Variants in SPICE1 observed in about 807,000 individuals in gnomAD.
SPICE1 encodes spindle and centriole-associated protein 1.
Under a neutral mutation model 102.7 loss-of-function variants are expected in SPICE1, and 75 were observed. That is an observed-to-expected ratio of 0.73 (90% CI 0.61 to 0.88). The LOEUF is 0.88. Ranked by LOEUF, SPICE1 falls within the 40% of genes least tolerant of loss-of-function variation. The pLI, the probability that SPICE1 is intolerant of heterozygous loss-of-function variation, is 0.00. For synonymous variants in SPICE1, 308 were observed against 350.3 expected (o/e 0.88, Z 1.35); for missense variants, 979 against 1,020.1 (o/e 0.96, Z 0.55).
rs1936969594 is a variant in SPICE1 at position 113,499,591 on chromosome 3, A to T, written c.148-9T>A. 6.3e-7 allele frequency: 1 copy of T among 1,586,952 alleles called. No individual in the cohort carries two copies. The highest frequency in any genetic ancestry group is 1.4e-5 in the African/African-American group (1 of 73,700). Reference sequence around the variant, plus strand: ...ATTTCATGACGGCGTACCTATACAGAAGAGAAAAGTACATAAAGGAATGTT... The same window carrying T: ...ATTTCATGACGGCGTACCTATACAGTAGAGAAAAGTACATAAAGGAATGTT... On this transcript the variant is annotated splice_polypyrimidine_tract_variant and intron_variant, in intron 3 of 17. Transcript: ENST00000295872.
intron 4 of SPICE1, among the ~76,000 whole-genome samples, chr3:113,495,044 T>C (rs1415406061): frequency 2.6e-5 from 4 of 152,226 alleles, no homozygotes; most frequent in Non-Finnish European, 5.9e-5. Context: ...ATGTGAGGCC[T>C]CTGTGTTTAA....
intron 13 of SPICE1, among the ~76,000 whole-genome samples, chr3:113,455,368 G>A (rs1232450958): frequency 6.6e-6 from 1 of 152,168 alleles, no homozygotes; most frequent in African/African-American, 2.4e-5. Context: ...TTTATGATGG[G>A]AAATTCTACA....
Position 113,512,531 on chromosome 3 carries a change from C to A in SPICE1, c.-1+2366G>T, listed in dbSNP as rs140034190. 6.0e-3 allele frequency among the ~76,000 whole-genome samples: 911 copies of A among 151,790 alleles called. 7 individuals carry two copies. The highest frequency in any genetic ancestry group is 0.027 in the Middle Eastern group (8 of 292). The stretch of plus-strand genomic sequence containing the variant: ...TCAAGCGATTCTCCTCCCTCAGCCT[C>A]CTGAATAGCTGGGATTACAGGCGCT... On this transcript the variant is annotated intron_variant, in intron 1 of 17. Transcript: ENST00000295872.
chr3:113,476,839 A>C lies in SPICE1; in HGVS notation c.612-7601T>G, dbSNP rs1374876253. Reference sequence around the variant, plus strand: ...CCTAAAACCATAAAAACCCTAGAAGAAAACCTAGGCATTACCATTCAGGAC... The same window carrying C: ...CCTAAAACCATAAAAACCCTAGAAGCAAACCTAGGCATTACCATTCAGGAC... On this transcript the variant is annotated intron_variant, in intron 7 of 17. Transcript: ENST00000295872. Among the ~76,000 whole-genome samples, 3 of 150,522 alleles carry C rather than the reference A, an allele frequency of 2.0e-5. No individual in the cohort carries two copies. The East Asian group carries it at 5.8e-4, about 29-fold the overall frequency.
At chr3:113,479,310 A>C (rs532135625) in intron 7 of SPICE1, among the ~76,000 whole-genome samples, 152 of 151,184 alleles carry the variant, frequency 1.0e-3, no homozygotes, top group African/African-American at 3.5e-3. Flanking sequence ...TGAACTCATC[A>C]TTTTTTATGG....
chr3:113,472,687 G>A (rs1936236023), intron 7 of SPICE1, among the ~76,000 whole-genome samples: 1 of 152,192 alleles, frequency 6.6e-6, no homozygotes, highest in Non-Finnish European at 1.5e-5. Context: ...GTCTGGAGTG[G>A]ACCTCTAGCA....
chr3:113,514,601 C>A (rs936514520), intron 1 of SPICE1: 11 of 464,016 alleles, frequency 2.4e-5, no homozygotes, highest in African/African-American at 1.8e-4. Flanking sequence ...TTGGAACACT[C>A]ATTAGGCTCA....
intron 10 of SPICE1, among the ~76,000 whole-genome samples, chr3:113,467,370 C>T (rs987425658): frequency 6.6e-6 from 1 of 152,212 alleles, no homozygotes; most frequent in African/African-American, 2.4e-5. Context: ...CGGCTCACTG[C>T]AACCTCCAAC....
chr3:113,513,260 A>C (rs1235240871), intron 1 of SPICE1, among the ~76,000 whole-genome samples: 2 of 152,062 alleles, frequency 1.3e-5, no homozygotes, highest in African/African-American at 4.8e-5. Flanking sequence ...AATTTTTTTT[A>C]ATTAGCCAGG....
At chr3:113,450,102 T>A in intron 15 of SPICE1, 1 of 536,728 alleles carries the variant, frequency 1.9e-6, no homozygotes, top group South Asian at 2.3e-5. Flanking sequence ...ATTTAGGAAC[T>A]CAGACACCAA....
rs201570909 is a variant in SPICE1, at chr3:113,453,924, G to A, written c.1684C>T (p.Pro562Ser). The change falls in exon 14 of 18, where the codon CCT becomes TCT. Residue 562 changes from proline (P) to serine (S), a missense_variant. By Grantham distance (74) the Pro-to-Ser change is moderately conservative. Coordinates refer to ENST00000295872, the MANE Select transcript of SPICE1 (RefSeq NM_144718.4). ...ACAGTTGGAGGAAGTCGTGGAGCAG[G>A]ACGAGTTTGAACAGTCCTTCTCAAT... Reference protein sequence around the residue: ...DVLRRTVQTRPAPRLPPTVEI... With the variant: ...DVLRRTVQTRSAPRLPPTVEI... 257 of 1,613,688 alleles carry A rather than the reference G, an allele frequency of 1.6e-4. No homozygotes were observed. Among genetic ancestry groups the A allele is most frequent in the Non-Finnish European group, 2.1e-4 (244 of 1,179,776 alleles).
Position 113,460,608 on chromosome 3 carries a change from C to T in SPICE1, c.1435+9G>A, listed in dbSNP as rs767135572. On this transcript the variant is annotated intron_variant, in intron 12 of 17. Transcript: ENST00000295872. ...TAATGACAGTCTGAGAGAGTAAGAC[C>T]ACACTCACCTGGACTGTCCATAACT... The T allele has an allele frequency of 1.3e-6, 2 of 1,597,226 alleles. No homozygotes were observed. Among genetic ancestry groups the T allele is most frequent in the Non-Finnish European group, 1.7e-6 (2 of 1,174,100 alleles).
chr3:113,506,493 C>A lies in SPICE1; in HGVS notation c.99+14G>T. On this transcript the variant is annotated intron_variant, in intron 2 of 17. Coordinates refer to ENST00000295872, the MANE Select transcript of SPICE1 (RefSeq NM_144718.4). The stretch of plus-strand genomic sequence containing the variant: ...GAGTAATGTTACATTATTTACTATC[C>A]CACCTATACTCACATCCCATTCTTG... 6.3e-7 allele frequency: 1 copy of A among 1,588,570 alleles called. No homozygotes were observed. Among genetic ancestry groups the A allele is most frequent in the Middle Eastern group, 1.7e-4 (1 of 6,020 alleles).
At chr3:113,458,792 G>C (rs971319508) in intron 12 of SPICE1, among the ~76,000 whole-genome samples, 1 of 150,964 alleles carries the variant, frequency 6.6e-6, no homozygotes, top group East Asian at 2.0e-4. Flanking sequence ...GCCGCCCATC[G>C]TCTGGGATGT....
rs1003283310 is a variant in SPICE1, at chr3:113,444,169, A to C, written c.*1138T>G. Reference sequence around the variant, plus strand: ...ATCATTCAAAAAACAAGTTTAAAATAGAAATAAACATCTCAGAACCAAAAG... The same window carrying C: ...ATCATTCAAAAAACAAGTTTAAAATCGAAATAAACATCTCAGAACCAAAAG... On this transcript the variant is annotated 3_prime_UTR_variant, in exon 18 of 18. Transcript: ENST00000295872. 1 of 151,930 alleles carries C rather than the reference A, an allele frequency of 6.6e-6. No individual in the cohort carries two copies. Among genetic ancestry groups the C allele is most frequent in the Non-Finnish European group, 1.5e-5 (1 of 67,958 alleles). 9.4% of individuals were successfully genotyped at this position (151,930 alleles called of 1,614,324 possible).
chr3:113,469,453 AT>A (rs1936145115), intron 7 of SPICE1, among the ~76,000 whole-genome samples: 1 of 146,238 alleles, frequency 6.8e-6, no homozygotes. Context: ...ATTATATATA[AT>A]TATATAATAA....
chr3:113,468,431 T>A (rs1401446645), intron 9 of SPICE1, 27 bp from the exon 10 acceptor site: 3 of 1,595,408 alleles, frequency 1.9e-6, no homozygotes, highest in African/African-American at 2.7e-5. Flanking sequence ...TCATTCTATT[T>A]TAAGACCAGG....
intron 5 of SPICE1, among the ~76,000 whole-genome samples, chr3:113,493,761 T>A (rs987346549): frequency 1.3e-5 from 2 of 152,240 alleles, no homozygotes; most frequent in Non-Finnish European, 2.9e-5. Context: ...TAAGCTTTAT[T>A]CAAGTCACAT....
At chr3:113,456,550 T>TAAGA (rs1442900847) in intron 13 of SPICE1, among the ~76,000 whole-genome samples, 1 of 152,208 alleles carries the variant, frequency 6.6e-6, no homozygotes, top group African/African-American at 2.4e-5. Flanking sequence ...AACCCTAAGT[T>TAAGA]AAGAATCTTT....
Sources: allele counts gnomAD v4.1 joint callset (sites outside exome capture counted in the v4.1 genomes callset), GRCh38; gene constraint gnomAD v4.1.1; transcripts MANE v1.5; gene names NCBI Gene and HGNC (gene_info 2026-07-23, HGNC 2026-07-21).